The following NAV3 variants were observed in gnomAD, a reference collection of about 807,000 sequenced individuals.
NAV3 encodes the protein neuron navigator 3.
A neutral mutation model predicts 244.7 loss-of-function variants in NAV3; 87 were observed. That is an observed-to-expected ratio of 0.36 (90% CI 0.30 to 0.42). The LOEUF (loss-of-function observed/expected upper bound fraction) is 0.42, where lower values mean the gene tolerates loss of function less well. Among genes scored for constraint, NAV3 ranks in the 20% least tolerant of loss-of-function variants. The probability of loss-of-function intolerance (pLI) is 1.00; values close to 1 mark genes in which losing one functional copy is unlikely to be tolerated. For synonymous variants in NAV3, 1,126 were observed against 1,042.2 expected, an observed-to-expected ratio of 1.08 and a Z score of -1.55; for missense variants, 2,663 against 2,893.3, an observed-to-expected ratio of 0.92 and a Z score of 1.83.
intron 3 of NAV3, among the ~76,000 whole-genome samples, chr12:77,954,716 G>A (rs1891205009): frequency 6.6e-6 from 1 of 152,126 alleles, no homozygotes; most frequent in African/African-American, 2.4e-5. Context: ...TTTTAAAACT[G>A]CAAATTGCTC....
Position 77,766,735 on chromosome 12 carries a change from G to GTTTGTTTTTTTTTTTT in NAV3, c.73-173581_73-173580insGTTTTTTTTTTTTTTT, listed in dbSNP as rs1555202961. 8.3e-3 allele frequency among the ~76,000 whole-genome samples: 504 copies of GTTTGTTTTTTTTTTTT among 60,510 alleles called. 145 individuals are homozygous for GTTTGTTTTTTTTTTTT. Among genetic ancestry groups the GTTTGTTTTTTTTTTTT allele is most frequent in the East Asian group, 0.013 (27 of 2,012 alleles). The allele number at this position is 60,510 out of a possible 152,430, so 39.7% of individuals were successfully genotyped here. On this transcript the variant is annotated intron_variant, in intron 2 of 8. Transcript: ENST00000550042. ...AGGATTCTAAAAAACAGGCAATTAA[G>GTTTGTTTTTTTTTTTT]TTTTTTTTTTTTTTTTTTTTTTTTT...
At chr12:78,189,221 G>T (rs1420888888) in intron 33 of NAV3, among the ~76,000 whole-genome samples, 1 of 151,862 alleles carries the variant, frequency 6.6e-6, no homozygotes, top group Non-Finnish European at 1.5e-5. Flanking sequence ...AAAGTTCTGA[G>T]AATTTTCTTT....
intron 12 of NAV3, among the ~76,000 whole-genome samples, chr12:78,090,792 T>C (rs1953884989): frequency 6.6e-6 from 1 of 152,216 alleles, no homozygotes; most frequent in African/African-American, 2.4e-5. Flanking sequence ...TTCATATTTC[T>C]AAAATTCATT....
At chr12:77,840,577 G>T (rs950657785) in intron 1 of NAV3, among the ~76,000 whole-genome samples, 8 of 152,138 alleles carry the variant, frequency 5.3e-5, no homozygotes, top group African/African-American at 1.9e-4. Context: ...ATATCTTGGA[G>T]GATAAATACA....
In NAV3 at chr12:77,718,984, G is replaced by A. The variant is rs542287420; in HGVS notation, c.72+146718G>A. ...TGTCTTTCCACTTATTTATTCCTTC[G>A]CTGATTTCTTTCAGCAATGTTTTGC... On this transcript the variant is annotated intron_variant, in intron 2 of 8. Transcript: ENST00000550042. 2.6e-5 allele frequency among the ~76,000 whole-genome samples: 4 copies of A among 152,058 alleles called. No individual in the cohort carries two copies. In the South Asian group the frequency reaches 6.2e-4, roughly 24 times the overall value.
intron 2 of NAV3, among the ~76,000 whole-genome samples, chr12:77,590,469 C>T (rs1040490144): frequency 6.6e-6 from 1 of 152,052 alleles, no homozygotes; most frequent in Non-Finnish European, 1.5e-5. Context: ...TGATAAGAAC[C>T]CTTGAACACA....
intron 39 of NAV3, 65 bp from the exon 40 acceptor site, chr12:78,210,333 G>C: frequency 6.2e-7 from 1 of 1,605,084 alleles, no homozygotes; most frequent in Non-Finnish European, 8.5e-7. Flanking sequence ...TCAGGGCCTT[G>C]TTTTTTATGG....
At chr12:77,994,946 T>C in intron 6 of NAV3, 75 bp downstream of exon 6, 2 of 1,106,066 alleles carry the variant, frequency 1.8e-6, no homozygotes, top group Non-Finnish European at 2.6e-6. Flanking sequence ...TGTCCTATCT[T>C]TTTTTTTTAA....
chr12:78,073,675 T>C (rs1189150937), intron 12 of NAV3, among the ~76,000 whole-genome samples: 11 of 152,070 alleles, frequency 7.2e-5, no homozygotes. Flanking sequence ...CTTCACAGAA[T>C]TGGAAAAAAA....
intron 9 of NAV3, among the ~76,000 whole-genome samples, chr12:78,025,874 C>T (rs763215246): frequency 3.3e-5 from 5 of 152,162 alleles, no homozygotes; most frequent in Non-Finnish European, 7.3e-5. Flanking sequence ...CTGAAGCCCT[C>T]ACCAGAAGCA....
chr12:78,005,654 G>C (rs947536409), intron 7 of NAV3, among the ~76,000 whole-genome samples: 1 of 152,154 alleles, frequency 6.6e-6, no homozygotes, highest in African/African-American at 2.4e-5. Flanking sequence ...TATAGAGCTT[G>C]GGCTGTAGAG....
intron 25 of NAV3, among the ~76,000 whole-genome samples, chr12:78,175,766 T>C (rs930459713): frequency 7.7e-6 from 1 of 129,412 alleles, no homozygotes. Flanking sequence ...AGTATAACTA[T>C]ACAAACTATG....
chr12:78,037,498 A>G (rs1880104852), intron 9 of NAV3: 1 of 594,990 alleles, frequency 1.7e-6, no homozygotes, highest in Middle Eastern at 4.4e-4. Context: ...ACTGATTTTT[A>G]AAAATACATA....
chr12:77,728,662 T>TA (rs1438433937), intron 2 of NAV3, among the ~76,000 whole-genome samples: 1 of 151,936 alleles, frequency 6.6e-6, no homozygotes, highest in Non-Finnish European at 1.5e-5. Context: ...GAGTATCATT[T>TA]AGGCAGTAAT....
chr12:77,660,164 A>G (rs891776587), intron 2 of NAV3, among the ~76,000 whole-genome samples: 1 of 152,190 alleles, frequency 6.6e-6, no homozygotes, highest in East Asian at 1.9e-4. Flanking sequence ...GTGATTAAAT[A>G]TATAAAATTA....
intron 2 of NAV3, among the ~76,000 whole-genome samples, chr12:77,623,186 A>C (rs1449027943): frequency 6.6e-6 from 1 of 151,674 alleles, no homozygotes; most frequent in African/African-American, 2.4e-5. Context: ...TTAAAATATA[A>C]TATTTTTCTG....
chr12:77,710,791 G>GA (rs1227278132), intron 2 of NAV3, among the ~76,000 whole-genome samples: 1 of 151,970 alleles, frequency 6.6e-6, no homozygotes, highest in Non-Finnish European at 1.5e-5. Context: ...TGTATTTCTA[G>GA]AAAAAAATTT....
intron 23 of NAV3, among the ~76,000 whole-genome samples, chr12:78,162,907 T>TATATATTATATAATATATATATAAATTAC (rs1957618394): frequency 1.5e-5 from 2 of 129,398 alleles, no homozygotes; most frequent in African/African-American, 5.3e-5. Flanking sequence ...TATATAAATA[T>TATATATTATATAATATATATATAAATTAC]ATATATTATA....
intron 2 of NAV3, among the ~76,000 whole-genome samples, chr12:77,732,326 C>T (rs1002850077): frequency 6.6e-6 from 1 of 151,802 alleles, no homozygotes; most frequent in Non-Finnish European, 1.5e-5. Flanking sequence ...CATTACTGAA[C>T]GTAGAAGAAT....
Sources: gnomAD v4.1 joint callset for allele counts (sites outside exome capture counted in the v4.1 genomes callset) on GRCh38, gnomAD v4.1.1 for gene constraint, MANE v1.5 for transcripts, NCBI Gene and HGNC (gene_info 2026-07-23, HGNC 2026-07-21) for gene names.